The following ELMO1 variants were observed in gnomAD, a reference collection of about 807,000 sequenced individuals.
ELMO1 encodes engulfment and cell motility 1, also known as engulfment and cell motility protein 1.
In ELMO1, 26 loss-of-function variants were observed where a neutral mutation model predicts 98.9. The ratio of observed to expected loss-of-function variants is 0.26; its 90% CI spans 0.19 to 0.36. The LOEUF (loss-of-function observed/expected upper bound fraction) is 0.36, where lower values mean the gene tolerates loss of function less well. ELMO1 is among the 10% of genes least tolerant of loss of function. ELMO1 has a pLI of 1.00. For missense variants in ELMO1, 627 were observed against 935.2 expected (o/e 0.67, Z 4.30); for synonymous variants, 346 against 346.0 (o/e 1.00, Z 0.00).
chr7:37,246,352 T>C (rs1795003444), intron 6 of ELMO1, among the ~76,000 whole-genome samples: 1 of 152,200 alleles, frequency 6.6e-6, no homozygotes, highest in Non-Finnish European at 1.5e-5. Context: ...AGGCTTTACA[T>C]AGTTTCACTG....
intron 13 of ELMO1, among the ~76,000 whole-genome samples, chr7:37,209,900 C>T (rs1792856169): frequency 6.6e-6 from 1 of 152,164 alleles, no homozygotes; most frequent in Non-Finnish European, 1.5e-5. Flanking sequence ...AAGGTCGAAA[C>T]ATAAAATATA....
chr7:36,931,218 G>C (rs1424320376), intron 16 of ELMO1, among the ~76,000 whole-genome samples: 1 of 152,232 alleles, frequency 6.6e-6, no homozygotes, highest in Non-Finnish European at 1.5e-5. Context: ...CCCAGGACCA[G>C]TACTAGCTGC....
intron 5 of ELMO1, among the ~76,000 whole-genome samples, chr7:37,266,847 T>C (rs1356786334): frequency 6.6e-6 from 1 of 151,860 alleles, no homozygotes; most frequent in African/African-American, 2.4e-5. Context: ...ACCCCATCTC[T>C]ACTAAAAATA....
intron 15 of ELMO1, among the ~76,000 whole-genome samples, chr7:37,017,475 A>G (rs190751858): frequency 6.6e-6 from 1 of 152,350 alleles, no homozygotes; most frequent in East Asian, 1.9e-4. Flanking sequence ...GAGTCGTCAT[A>G]TGACCCAATC....
chr7:37,423,778 G>A (rs1804587561), intron 1 of ELMO1, among the ~76,000 whole-genome samples: 1 of 152,074 alleles, frequency 6.6e-6, no homozygotes, highest in African/African-American at 2.4e-5. Context: ...GGAAAACTTA[G>A]GTTTCCACTC....
At chr7:37,408,119 G>A (rs898940534) in intron 1 of ELMO1, among the ~76,000 whole-genome samples, 1 of 152,160 alleles carries the variant, frequency 6.6e-6, no homozygotes, top group African/African-American at 2.4e-5. Context: ...CACTATATTT[G>A]TAACCTTGTG....
At chr7:36,948,303 C>T (rs191789300) in intron 16 of ELMO1, among the ~76,000 whole-genome samples, 1 of 152,116 alleles carries the variant, frequency 6.6e-6, no homozygotes, top group African/African-American at 2.4e-5. Flanking sequence ...ATGTGAGGGA[C>T]CCAAGTTGAC....
At chr7:37,268,636 C>T (rs1477922496) in intron 5 of ELMO1, among the ~76,000 whole-genome samples, 1 of 152,120 alleles carries the variant, frequency 6.6e-6, no homozygotes, top group Non-Finnish European at 1.5e-5. Flanking sequence ...GATAAAGATA[C>T]CACACTAGAA....
rs6150082 is a variant in ELMO1, at chr7:37,161,905, AATATATATATATAT to A, written c.1087-28685_1087-28672del. ...ATTATAGAAAGCCTTCAGGTAATCA[AATATATATATATAT>A]ATATATATATATATATGTTAAGCGT... On this transcript the variant is annotated intron_variant, in intron 13 of 21. Transcript: ENST00000310758. Among the ~76,000 whole-genome samples, 40 of 42,436 alleles carry A rather than the reference AATATATATATATAT, an allele frequency of 9.4e-4. 3 individuals are homozygous for A. The highest frequency in any genetic ancestry group is 2.8e-3 in the South Asian group (3 of 1,086). The allele number at this position is 42,436 out of a possible 152,430, so 27.8% of individuals were successfully genotyped here.
chr7:37,153,186 A>G (rs6945531), intron 13 of ELMO1, among the ~76,000 whole-genome samples: 138,284 of 152,228 alleles, frequency 0.91, 63,171 homozygotes, highest in Non-Finnish European at 0.96. Context: ...GGCCAAATAG[A>G]AACAGCTCCG....
intron 1 of ELMO1, among the ~76,000 whole-genome samples, chr7:37,343,453 A>C (rs1800822971): frequency 6.8e-6 from 1 of 147,872 alleles, no homozygotes; most frequent in Non-Finnish European, 1.5e-5. Context: ...GGTAACCATT[A>C]TCCTCTGCTG....
chr7:36,946,742 G>A (rs1787524199), intron 16 of ELMO1, among the ~76,000 whole-genome samples: 1 of 152,070 alleles, frequency 6.6e-6, no homozygotes, highest in Admixed American at 6.6e-5. Flanking sequence ...TCTCCTGCCT[G>A]TCTCTTAAAT....
At chr7:36,940,112 G>A (rs1026070623) in intron 16 of ELMO1, among the ~76,000 whole-genome samples, 1 of 152,220 alleles carries the variant, frequency 6.6e-6, no homozygotes, top group African/African-American at 2.4e-5. Context: ...ATTAGCAGCT[G>A]GGTGAGTGAA....
At chr7:37,250,780 A>C (rs1795300008) in intron 6 of ELMO1, among the ~76,000 whole-genome samples, 1 of 148,272 alleles carries the variant, frequency 6.7e-6, no homozygotes, top group Non-Finnish European at 1.5e-5. Context: ...TGACAAAGCA[A>C]GACTCCGTCT....
chr7:37,160,329 T>A lies in ELMO1; in HGVS notation c.1087-27095A>T, dbSNP rs984097774. Reference sequence around the variant, plus strand: ...CCTCTGTTTCTCTAAGAAATATTAATAGGAACATTTCAATCCTCCACAAAT... The same window carrying A: ...CCTCTGTTTCTCTAAGAAATATTAAAAGGAACATTTCAATCCTCCACAAAT... On this transcript the variant is annotated intron_variant, in intron 13 of 21. Coordinates refer to ENST00000310758, the MANE Select transcript of ELMO1 (RefSeq NM_014800.11). 3.9e-5 allele frequency among the ~76,000 whole-genome samples: 6 copies of A among 152,226 alleles called. No homozygotes were observed. In the South Asian group the frequency reaches 1.2e-3, roughly 32 times the overall value.
intron 1 of ELMO1, among the ~76,000 whole-genome samples, chr7:37,398,379 AT>A (rs1380248691): frequency 5.3e-5 from 8 of 152,308 alleles, no homozygotes; most frequent in Non-Finnish European, 1.2e-4. Context: ...AAATGTAAAC[AT>A]TCAATTAATC....
At chr7:37,129,867 C>T (rs541964995) in intron 14 of ELMO1, among the ~76,000 whole-genome samples, 1 of 152,350 alleles carries the variant, frequency 6.6e-6, no homozygotes, top group Non-Finnish European at 1.5e-5. Context: ...GACATCCCCA[C>T]TGAAGTAGCA....
At chr7:37,289,345 C>A (rs1007426514) in intron 4 of ELMO1, among the ~76,000 whole-genome samples, 1 of 152,182 alleles carries the variant, frequency 6.6e-6, no homozygotes, top group South Asian at 2.1e-4. Context: ...CTACTATGGG[C>A]ACACTTATTA....
chr7:36,854,723 G>C lies in ELMO1; in HGVS notation c.*828C>G, dbSNP rs1584253033. 6.5e-6 allele frequency: 1 copy of C among 152,684 alleles called. No individual in the cohort carries two copies. Among genetic ancestry groups the C allele is most frequent in the Non-Finnish European group, 1.5e-5 (1 of 68,118 alleles). 9.5% of individuals were successfully genotyped at this position (152,684 alleles called of 1,614,324 possible). A position where few individuals can be genotyped will look rare whatever the true frequency, so the allele number is the denominator to read the frequency against. ...CAACAGTCCGTCCTAGAGGCATTTAGGTTTAGTCTATTAGAGATGGAGCGA... is the reference window on the plus strand; with the variant it reads ...CAACAGTCCGTCCTAGAGGCATTTACGTTTAGTCTATTAGAGATGGAGCGA... On this transcript the variant is annotated 3_prime_UTR_variant, in exon 22 of 22. Transcript: ENST00000310758.
Sources: allele counts gnomAD v4.1 joint callset (sites outside exome capture counted in the v4.1 genomes callset), GRCh38; gene constraint gnomAD v4.1.1; transcripts MANE v1.5; gene names NCBI Gene and HGNC (gene_info 2026-07-23, HGNC 2026-07-21).